The following NOTCH2 variants were observed in gnomAD, a reference collection of about 807,000 sequenced individuals.
The protein encoded by NOTCH2 is neurogenic locus notch homolog protein 2.
Under a neutral mutation model 235.8 loss-of-function variants are expected in NOTCH2, and 29 were observed. That is an observed-to-expected ratio of 0.12 (90% CI 0.09 to 0.17). NOTCH2 has a LOEUF of 0.17. Among genes scored for constraint, NOTCH2 ranks in the 10% least tolerant of loss-of-function variants. The probability of loss-of-function intolerance (pLI) is 1.00; values close to 1 mark genes in which losing one functional copy is unlikely to be tolerated. For synonymous variants in NOTCH2, 1,086 were observed against 1,141.5 expected, an observed-to-expected ratio of 0.95 and a Z score of 0.98; for missense variants, 2,285 against 3,150.2, an observed-to-expected ratio of 0.73 and a Z score of 6.57.
At chr1:119,930,554 G>A (rs587601180) in intron 22 of NOTCH2, among the ~76,000 whole-genome samples, 28 of 151,682 alleles carry the variant, frequency 1.8e-4, no homozygotes, top group African/African-American at 4.1e-4. Flanking sequence ...TAAGGCAGGC[G>A]GATCACTTGA....
chr1:119,980,258 T>C (rs953499169), intron 5 of NOTCH2, among the ~76,000 whole-genome samples: 4 of 152,170 alleles, frequency 2.6e-5, no homozygotes, highest in Admixed American at 6.5e-5. Flanking sequence ...AACTTTCCCA[T>C]CTTCTTCCTT....
chr1:120,001,367 C>T (rs1163924040), intron 3 of NOTCH2, among the ~76,000 whole-genome samples: 3 of 151,936 alleles, frequency 2.0e-5, no homozygotes, highest in African/African-American at 7.3e-5. Flanking sequence ...CCGATTTGCA[C>T]ATCAGGACTG....
intron 1 of NOTCH2, among the ~76,000 whole-genome samples, chr1:120,062,487 T>A (rs1655348791): frequency 1.0e-4 from 1 of 9,740 alleles, no homozygotes; most frequent in African/African-American, 4.3e-4. Context: ...CCCAAGACCC[T>A]ATAGCTCCGA....
rs587654706 is a variant in NOTCH2 at position 119,937,773 on chromosome 1, C to T, written c.3337+84G>A. 5.2e-6 allele frequency: 8 copies of T among 1,537,342 alleles called. No homozygotes were observed. The East Asian group carries it at 1.4e-4, about 26-fold the overall frequency. On this transcript the variant is annotated intron_variant, in intron 20 of 33. Coordinates refer to ENST00000256646, the MANE Select transcript of NOTCH2 (RefSeq NM_024408.4). ...TACTATCTGCCCTTCCCTCTTATTC[C>T]ACAAAAAAATGATACCTTCTCTAAA...
At chr1:120,028,445 T>G (rs1355636112) in intron 2 of NOTCH2, among the ~76,000 whole-genome samples, 1 of 152,146 alleles carries the variant, frequency 6.6e-6, no homozygotes, top group African/African-American at 2.4e-5. Context: ...CACCACGTTT[T>G]TTTTTCCCCC....
intron 2 of NOTCH2, among the ~76,000 whole-genome samples, chr1:120,015,268 A>T (rs1653393195): frequency 6.6e-6 from 1 of 152,152 alleles, no homozygotes; most frequent in Admixed American, 6.5e-5. Context: ...TTTGAACAGA[A>T]CTCTGCTTTC....
In NOTCH2 at chr1:119,915,777, A is replaced by G. The variant is rs771232139; in HGVS notation, c.6945T>C (p.Ile2315=). ...VTFQLIPKGS[I]AQPAGAPQPQ... ...GCTGGGGAGCCCCCGCTGGTTGGGC[A>G]ATACTGCCTTTAGGGATGAGCTGGA... is the stretch of plus-strand genomic sequence containing the variant. The change falls in exon 34 of 34, where the codon ATT becomes ATC. Residue 2315 remains isoleucine, a synonymous_variant. Transcript: ENST00000256646. 118 of 1,610,072 alleles carry G rather than the reference A, an allele frequency of 7.3e-5. No individual in the cohort carries two copies. Among genetic ancestry groups the G allele is most frequent in the Non-Finnish European group, 4.8e-5 (56 of 1,177,116 alleles).
At chr1:119,921,587 G>A in intron 29 of NOTCH2, 126 bp downstream of exon 29, 1 of 816,020 alleles carries the variant, frequency 1.2e-6, no homozygotes, top group Non-Finnish European at 2.1e-6. Flanking sequence ...GATAGTTATT[G>A]TCTGGGTAAG....
chr1:120,003,169 C>G (rs1302207399), intron 3 of NOTCH2, among the ~76,000 whole-genome samples: 4 of 152,082 alleles, frequency 2.6e-5, no homozygotes, highest in Admixed American at 2.6e-4. Context: ...CATGAAAAAG[C>G]GAGACTGGCC....
Position 119,918,456 on chromosome 1 carries a change from A to G in NOTCH2, c.5879T>C (p.Val1960Ala), listed in dbSNP as rs756017909. 1 of 1,614,146 alleles carries G rather than the reference A, an allele frequency of 6.2e-7. No individual in the cohort carries two copies. Among genetic ancestry groups the G allele is most frequent in the South Asian group, 1.1e-5 (1 of 91,076 alleles). Residue 1960 changes from valine (V) to alanine (A), a missense_variant, in exon 32 of 34, where the codon GTG (valine) becomes GCG (alanine). Around this residue, in one of 6 missense-constraint regions of NOTCH2, gnomAD observed 128 missense variants for 255.9 expected, o/e 0.50. Coordinates refer to ENST00000256646, the MANE Select transcript of NOTCH2 (RefSeq NM_024408.4). ...LAARLAVEGM[V>A]AELINCQADV... ...CGCTTGGCAGTTGATCAGTTCTGCC[A>G]CCATTCCCTCCACAGCCAGGCGGGC...
At chr1:119,977,193 A>C (rs1651618394) in intron 5 of NOTCH2, among the ~76,000 whole-genome samples, 1 of 152,064 alleles carries the variant, frequency 6.6e-6, no homozygotes, top group African/African-American at 2.4e-5. Context: ...CTCTTATTTA[A>C]GTTATCCTAA....
At position 119,926,479 on chromosome 1, in the gene NOTCH2, A is replaced by G. The variant is rs1397352615; in HGVS notation, c.4005+20T>C. The G allele has an allele frequency of 1.3e-6, 2 of 1,552,376 alleles. No homozygotes were observed. The highest frequency in any genetic ancestry group is 1.8e-6 in the Non-Finnish European group (2 of 1,131,756). On this transcript the variant is annotated intron_variant, in intron 24 of 33. Coordinates refer to ENST00000256646, the MANE Select transcript of NOTCH2 (RefSeq NM_024408.4). Reference sequence around the variant, plus strand: ...TGGAAGAGACAATGCCCCTTCTTAGATGAGCAACAGGGCACTTACCGGGGG... The same window carrying G: ...TGGAAGAGACAATGCCCCTTCTTAGGTGAGCAACAGGGCACTTACCGGGGG...
intron 16 of NOTCH2, 103 bp from the exon 17 acceptor site, chr1:119,948,669 A>C (rs1650347526): frequency 1.5e-6 from 2 of 1,365,314 alleles, no homozygotes; most frequent in Non-Finnish European, 2.1e-6. Flanking sequence ...GCTATTCCAC[A>C]GACAAACTGG....
intron 13 of NOTCH2, 91 bp from the exon 14 acceptor site, chr1:119,953,779 A>G (rs1267753969): frequency 9.1e-7 from 1 of 1,093,482 alleles, no homozygotes; most frequent in African/African-American, 1.5e-5. Context: ...GAAATGGGGT[A>G]AACTGATCTC....
chr1:119,946,350 T>A (rs930247532), intron 17 of NOTCH2, among the ~76,000 whole-genome samples: 3 of 152,048 alleles, frequency 2.0e-5, no homozygotes, highest in Non-Finnish European at 4.4e-5. Context: ...ACAATGGTAG[T>A]CCAAGAAACC....
At chr1:119,918,671 G>T in intron 31 of NOTCH2, 118 bp from the exon 32 acceptor site, 1 of 989,680 alleles carries the variant, frequency 1.0e-6, no homozygotes, top group Non-Finnish European at 1.6e-6. Context: ...GGAGGAGAGG[G>T]AAAGTCTTGT....
chr1:119,978,037 A>G (rs921470223), intron 5 of NOTCH2, among the ~76,000 whole-genome samples: 13 of 152,162 alleles, frequency 8.5e-5, no homozygotes, highest in African/African-American at 3.1e-4. Context: ...GCTTTCATAG[A>G]TACCTATTGC....
chr1:119,917,996 A>G (rs768660236), intron 32 of NOTCH2, among the ~76,000 whole-genome samples: 29 of 152,208 alleles, frequency 1.9e-4, no homozygotes, highest in Non-Finnish European at 2.1e-4. Context: ...TGTATGAGGC[A>G]TTCATGTCCC....
chr1:119,943,706 C>T (rs1650150172), intron 17 of NOTCH2, among the ~76,000 whole-genome samples: 1 of 151,878 alleles, frequency 6.6e-6, no homozygotes, highest in Admixed American at 6.6e-5. Context: ...GAAATACATT[C>T]AAAATGAGTA....
Sources: allele counts gnomAD v4.1 joint callset (sites outside exome capture counted in the v4.1 genomes callset), GRCh38; gene constraint gnomAD v4.1.1; regional missense constraint gnomAD v4.1.1; transcripts MANE v1.5; gene names NCBI Gene and HGNC (gene_info 2026-07-23, HGNC 2026-07-21).